Variants in BFSP2 observed in about 807,000 individuals in gnomAD.
BFSP2 encodes beaded filament structural protein 2.
Under a neutral mutation model 44.9 loss-of-function variants are expected in BFSP2, and 38 were observed. The ratio of observed to expected loss-of-function variants is 0.85; its 90% CI spans 0.65 to 1.11. The LOEUF (loss-of-function observed/expected upper bound fraction) is 1.11, where lower values mean the gene tolerates loss of function less well. Ranked by LOEUF, BFSP2 falls within the 50% of genes least tolerant of loss-of-function variation. The pLI is 0.00. For missense variants in BFSP2, 525 were observed against 533.0 expected (o/e 0.99, Z 0.15); for synonymous variants, 197 against 209.9 (o/e 0.94, Z 0.53).
chr3:133,416,156 A>C (rs1343412715), intron 1 of BFSP2, among the ~76,000 whole-genome samples: 174 of 43,004 alleles, frequency 4.0e-3, no homozygotes, highest in Middle Eastern at 0.019. Context: ...CCCCTTCACC[A>C]CTGTCCTCTC....
intron 1 of BFSP2, among the ~76,000 whole-genome samples, chr3:133,415,312 C>A (rs1576561793): frequency 7.9e-6 from 1 of 127,384 alleles, no homozygotes. Flanking sequence ...CTCTACTCGC[C>A]CCTGTCCTTT....
intron 5 of BFSP2, among the ~76,000 whole-genome samples, chr3:133,468,530 C>A (rs2074132640): frequency 6.6e-6 from 1 of 152,166 alleles, no homozygotes; most frequent in Non-Finnish European, 1.5e-5. Flanking sequence ...TCTCTGGTGA[C>A]TCAATTGTGC....
At chr3:133,434,301 T>G (rs1046257630) in intron 1 of BFSP2, among the ~76,000 whole-genome samples, 1 of 152,104 alleles carries the variant, frequency 6.6e-6, no homozygotes, top group Non-Finnish European at 1.5e-5. Flanking sequence ...CACCAATAAT[T>G]CTACACGACA....
intron 1 of BFSP2, among the ~76,000 whole-genome samples, chr3:133,420,647 A>G (rs909536866): frequency 6.6e-6 from 1 of 152,208 alleles, no homozygotes; most frequent in Non-Finnish European, 1.5e-5. Context: ...AGGCATCCTC[A>G]GCCTCCTCCT....
At chr3:133,425,951 G>A (rs184014247) in intron 1 of BFSP2, among the ~76,000 whole-genome samples, 33 of 1,664 alleles carry the variant, frequency 0.02, 2 homozygotes, top group African/African-American at 0.04. Context: ...GAAGGGAGGG[G>A]AGGGGGAGGG....
intron 1 of BFSP2, among the ~76,000 whole-genome samples, chr3:133,424,347 C>T (rs531068635): frequency 5.3e-5 from 8 of 151,952 alleles, no homozygotes; most frequent in African/African-American, 9.6e-5. Context: ...GGATTACAGG[C>T]GTGAGCCACT....
intron 5 of BFSP2, 47 bp from the exon 6 acceptor site, chr3:133,472,298 G>A: frequency 1.9e-6 from 3 of 1,566,320 alleles, no homozygotes; most frequent in Non-Finnish European, 8.6e-7. Context: ...CTCTTCAAGG[G>A]CCCGGCCTGT....
At chr3:133,407,509 A>C (rs2073414502) in intron 1 of BFSP2, among the ~76,000 whole-genome samples, 1 of 152,160 alleles carries the variant, frequency 6.6e-6, no homozygotes, top group Admixed American at 6.5e-5. Context: ...CTAGAGTTAG[A>C]TGAGTTGATT....
chr3:133,444,648 G>A (rs955162173), intron 1 of BFSP2, among the ~76,000 whole-genome samples: 3 of 152,096 alleles, frequency 2.0e-5, no homozygotes, highest in South Asian at 2.1e-4. Flanking sequence ...AGGATGAAAC[G>A]GAGCGGTCAC....
intron 4 of BFSP2, 106 bp downstream of exon 4, chr3:133,450,570 A>G: frequency 7.6e-7 from 1 of 1,317,272 alleles, no homozygotes; most frequent in Admixed American, 1.8e-5. Flanking sequence ...CGGTTTAGTA[A>G]CAAGTTCAAC....
At chr3:133,428,045 C>T (rs111365513) in intron 1 of BFSP2, among the ~76,000 whole-genome samples, 122 of 152,262 alleles carry the variant, frequency 8.0e-4, no homozygotes, top group African/African-American at 2.8e-3. Flanking sequence ...AGAGACAAAA[C>T]CTTTAACGTG....
chr3:133,417,163 C>T (rs1475719379), intron 1 of BFSP2, among the ~76,000 whole-genome samples: 2 of 130,092 alleles, frequency 1.5e-5, no homozygotes, highest in South Asian at 2.9e-4. Context: ...CATCTCTCTA[C>T]TCACCCCTGC....
chr3:133,418,280 GT>G (rs2073563539), intron 1 of BFSP2, among the ~76,000 whole-genome samples: 1 of 151,902 alleles, frequency 6.6e-6, no homozygotes, highest in African/African-American at 2.4e-5. Context: ...CACCCCCCAG[GT>G]AACCTTTCTC....
chr3:133,452,571 A>T (rs1224994903), intron 4 of BFSP2, among the ~76,000 whole-genome samples: 1 of 152,204 alleles, frequency 6.6e-6, no homozygotes, highest in Non-Finnish European at 1.5e-5. Context: ...CAGATAATTA[A>T]TGGTCCTAGA....
In BFSP2 at chr3:133,475,007, C is replaced by T. The variant is rs78013569; in HGVS notation, c.*35C>T. 99 of 1,613,246 alleles carry T rather than the reference C, an allele frequency of 6.1e-5. No individual in the cohort carries two copies. In the East Asian group the frequency reaches 2.0e-3, roughly 33 times the overall value. ...TTCCTCTTTTTCATGAAGAAAACAC[C>T]CTTCCTCAACAGCTGACCCAAGAAG... On this transcript the variant is annotated 3_prime_UTR_variant, in exon 7 of 7. Coordinates refer to ENST00000302334, the MANE Select transcript of BFSP2 (RefSeq NM_003571.4).
chr3:133,429,978 T>A (rs1559966108), intron 1 of BFSP2, among the ~76,000 whole-genome samples: 1 of 150,778 alleles, frequency 6.6e-6, no homozygotes, highest in Non-Finnish European at 1.5e-5. Context: ...ATTGTTCAAT[T>A]CCCACCTATG....
chr3:133,438,602 G>T (rs868292351), intron 1 of BFSP2, among the ~76,000 whole-genome samples: 1 of 152,138 alleles, frequency 6.6e-6, no homozygotes, highest in South Asian at 2.1e-4. Flanking sequence ...GGAGAGGAAA[G>T]TGTGGGTCAG....
At chr3:133,434,277 C>T (rs545779643) in intron 1 of BFSP2, among the ~76,000 whole-genome samples, 3 of 152,218 alleles carry the variant, frequency 2.0e-5, no homozygotes, top group Non-Finnish European at 2.9e-5. Flanking sequence ...CATACAAAAC[C>T]GTATCCAGGC....
chr3:133,424,998 A>G (rs2073630584), intron 1 of BFSP2, among the ~76,000 whole-genome samples: 1 of 152,208 alleles, frequency 6.6e-6, no homozygotes, highest in Non-Finnish European at 1.5e-5. Flanking sequence ...TGTTAGTGTC[A>G]CAGATAAGGC....
Sources: allele counts gnomAD v4.1 joint callset (sites outside exome capture counted in the v4.1 genomes callset), GRCh38; gene constraint gnomAD v4.1.1; transcripts MANE v1.5; gene names NCBI Gene and HGNC (gene_info 2026-07-23, HGNC 2026-07-21).